Variants in CDH12 observed in about 807,000 individuals in gnomAD.
CDH12 encodes cadherin 12.
In CDH12, 41 loss-of-function variants were observed where a neutral mutation model predicts 74.1. That is an observed-to-expected ratio of 0.55 (90% CI 0.43 to 0.72). CDH12 has a LOEUF of 0.72. Ranked by LOEUF, CDH12 falls within the 30% of genes least tolerant of loss-of-function variation. The pLI, the probability that CDH12 is intolerant of heterozygous loss-of-function variation, is 0.00. For missense variants in CDH12, 945 were observed against 977.2 expected (o/e 0.97, Z 0.44); for synonymous variants, 399 against 355.0 (o/e 1.12, Z -1.39).
At chr5:21,926,989 A>T (rs2150077080) in intron 6 of CDH12, among the ~76,000 whole-genome samples, 1 of 152,348 alleles carries the variant, frequency 6.6e-6, no homozygotes, top group Non-Finnish European at 1.5e-5. Flanking sequence ...GCAGTTGACT[A>T]AATGAATGAG....
At chr5:22,014,381 A>G (rs1737477143) in intron 5 of CDH12, among the ~76,000 whole-genome samples, 1 of 152,186 alleles carries the variant, frequency 6.6e-6, no homozygotes, top group Admixed American at 6.6e-5. Flanking sequence ...ACATATATGG[A>G]TCCTCAGAAA....
chr5:22,255,406 A>G (rs1055646374), intron 3 of CDH12, among the ~76,000 whole-genome samples: 71 of 151,806 alleles, frequency 4.7e-4, no homozygotes, highest in African/African-American at 1.7e-3. Flanking sequence ...ACTTTTTAAA[A>G]TATGTATGCT....
At position 22,480,491 on chromosome 5, in the gene CDH12, G is replaced by C. The variant is rs182833231; in HGVS notation, c.-428+24779C>G. Reference sequence around the variant, plus strand: ...CCCAGCTACTCAGGAGACAAAAGACGGGAGAATCACCTGAGCCCAGGAATT... The same window carrying C: ...CCCAGCTACTCAGGAGACAAAAGACCGGAGAATCACCTGAGCCCAGGAATT... On this transcript the variant is annotated intron_variant, in intron 2 of 14. Coordinates refer to ENST00000382254, the MANE Select transcript of CDH12 (RefSeq NM_004061.5). Among the ~76,000 whole-genome samples the C allele has an allele frequency of 3.3e-5, 5 of 151,718 alleles. No individual in the cohort carries two copies. In the South Asian group the frequency reaches 1.0e-3, roughly 32 times the overall value.
At chr5:22,015,248 A>G (rs1232107574) in intron 5 of CDH12, among the ~76,000 whole-genome samples, 1 of 152,204 alleles carries the variant, frequency 6.6e-6, no homozygotes, top group South Asian at 2.1e-4. Context: ...CTTTACTATT[A>G]AAGAAATATC....
At chr5:22,191,786 G>A (rs1422424136) in intron 4 of CDH12, among the ~76,000 whole-genome samples, 7 of 151,526 alleles carry the variant, frequency 4.6e-5, no homozygotes, top group African/African-American at 1.7e-4. Context: ...GGATGGTCTC[G>A]ATCTCCTGAC....
chr5:22,680,045 T>C (rs974107321), intron 1 of CDH12, among the ~76,000 whole-genome samples: 2 of 152,106 alleles, frequency 1.3e-5, no homozygotes, highest in African/African-American at 4.8e-5. Flanking sequence ...AACAGTGTCC[T>C]TTGATGAGTG....
At chr5:21,879,801 G>C (rs927738668) in intron 6 of CDH12, among the ~76,000 whole-genome samples, 28 of 152,142 alleles carry the variant, frequency 1.8e-4, no homozygotes, top group Non-Finnish European at 1.3e-4. Context: ...CCCAGCCAAA[G>C]AGATGGAAAG....
At chr5:22,672,026 A>G (rs2126915064) in intron 1 of CDH12, among the ~76,000 whole-genome samples, 1 of 144,594 alleles carries the variant, frequency 6.9e-6, no homozygotes, top group African/African-American at 2.5e-5. Context: ...AAATATATAT[A>G]AATATACGTA....
chr5:21,880,505 C>CCTTCCTTCCTTCCTTCCTT (rs1304688195), intron 6 of CDH12, among the ~76,000 whole-genome samples: 8 of 6,146 alleles, frequency 1.3e-3, no homozygotes, highest in Admixed American at 2.6e-3. Context: ...CTTCCTTCCT[C>CCTTCCTTCCTTCCTTCCTT]CCTCCCTCCC....
chr5:22,527,817 G>T (rs1737356621), intron 1 of CDH12, among the ~76,000 whole-genome samples: 2 of 152,056 alleles, frequency 1.3e-5, no homozygotes, highest in Non-Finnish European at 2.9e-5. Context: ...GCTCACTATG[G>T]GTGATCTGTC....
At chr5:22,698,676 G>GATAT (rs1193077466) in intron 1 of CDH12, among the ~76,000 whole-genome samples, 2 of 30,998 alleles carry the variant, frequency 6.5e-5, no homozygotes, top group African/African-American at 1.1e-4. Flanking sequence ...TCAATCCCCA[G>GATAT]ATATATATAT....
At chr5:22,528,881 A>G (rs1328076536) in intron 1 of CDH12, among the ~76,000 whole-genome samples, 1 of 151,960 alleles carries the variant, frequency 6.6e-6, no homozygotes, top group Non-Finnish European at 1.5e-5. Flanking sequence ...AAATCTAACT[A>G]GATCAAAGAG....
intron 1 of CDH12, among the ~76,000 whole-genome samples, chr5:22,545,354 T>C (rs1738271003): frequency 6.6e-6 from 1 of 152,208 alleles, no homozygotes; most frequent in Non-Finnish European, 1.5e-5. Flanking sequence ...GCTCCAGCAA[T>C]GGCAAGTCAT....
chr5:22,818,821 T>G (rs1311916147), intron 1 of CDH12, among the ~76,000 whole-genome samples: 1 of 152,124 alleles, frequency 6.6e-6, no homozygotes, highest in African/African-American at 2.4e-5. Context: ...ATTGGTTGCT[T>G]CAAAGAGCTA....
intron 4 of CDH12, among the ~76,000 whole-genome samples, chr5:22,093,432 T>C (rs1026907377): frequency 6.6e-6 from 1 of 152,204 alleles, no homozygotes; most frequent in Non-Finnish European, 1.5e-5. Context: ...GATTATTACA[T>C]GGCAATGAAA....
At chr5:22,272,201 T>C (rs1736429547) in intron 3 of CDH12, among the ~76,000 whole-genome samples, 1 of 152,238 alleles carries the variant, frequency 6.6e-6, no homozygotes, top group South Asian at 2.1e-4. Context: ...ACTTGCTGCT[T>C]CACCTTGCAT....
chr5:22,327,695 C>T (rs1739179816), intron 3 of CDH12, among the ~76,000 whole-genome samples: 1 of 152,130 alleles, frequency 6.6e-6, no homozygotes, highest in South Asian at 2.1e-4. Context: ...TTCTAAAAAC[C>T]TGTAACTCTC....
At chr5:22,599,674 C>A (rs568086440) in intron 1 of CDH12, among the ~76,000 whole-genome samples, 1 of 151,956 alleles carries the variant, frequency 6.6e-6, no homozygotes, top group African/African-American at 2.4e-5. Flanking sequence ...TTTGATGGAA[C>A]TATCCTATAA....
At chr5:22,738,020 G>T (rs771942427) in intron 1 of CDH12, among the ~76,000 whole-genome samples, 27 of 151,954 alleles carry the variant, frequency 1.8e-4, no homozygotes, top group Non-Finnish European at 2.2e-4. Flanking sequence ...TTCCTGGAGG[G>T]TCTGAAAATT....
Sources: allele counts gnomAD v4.1 joint callset (sites outside exome capture counted in the v4.1 genomes callset), GRCh38; gene constraint gnomAD v4.1.1; transcripts MANE v1.5; gene names NCBI Gene and HGNC (gene_info 2026-07-23, HGNC 2026-07-21).